Variants in CHSY1 observed in about 807,000 individuals in gnomAD.
CHSY1 encodes N-acetylgalactosaminyl-proteoglycan 3-beta-glucuronosyltransferase 1.
In CHSY1, 13 loss-of-function variants were observed where a neutral mutation model predicts 59.8. The ratio of observed to expected loss-of-function variants is 0.22; its 90% confidence interval spans 0.14 to 0.35. CHSY1 has a LOEUF of 0.35. Among genes scored for constraint, CHSY1 ranks in the 10% least tolerant of loss-of-function variants. The pLI, the probability that CHSY1 is intolerant of heterozygous loss-of-function variation, is 1.00. For synonymous variants in CHSY1, 459 were observed against 401.2 expected (o/e 1.14, Z -1.72); for missense variants, 947 against 1,030.6 (o/e 0.92, Z 1.11).
intron 2 of CHSY1, among the ~76,000 whole-genome samples, chr15:101,226,962 G>A (rs12441054): frequency 0.045 from 6,883 of 152,248 alleles, 378 homozygotes; most frequent in East Asian, 0.19. Context: ...CAGTGAAAAT[G>A]GCAGAGTGAA....
chr15:101,213,733 T>C (rs1402994537), intron 2 of CHSY1, among the ~76,000 whole-genome samples: 1 of 152,200 alleles, frequency 6.6e-6, no homozygotes, highest in East Asian at 1.9e-4. Flanking sequence ...AAATATGTCT[T>C]TGTGATTAAT....
At chr15:101,190,918 G>A (rs968498617) in intron 2 of CHSY1, among the ~76,000 whole-genome samples, 11 of 152,054 alleles carry the variant, frequency 7.2e-5, no homozygotes, top group African/African-American at 2.2e-4. Flanking sequence ...GAGGAGCGAC[G>A]CGAAATGCTG....
intron 2 of CHSY1, among the ~76,000 whole-genome samples, chr15:101,222,099 A>T (rs936016754): frequency 6.6e-6 from 1 of 152,198 alleles, no homozygotes; most frequent in African/African-American, 2.4e-5. Context: ...TCAACTGATA[A>T]GCTCTTTGTA....
intron 2 of CHSY1, among the ~76,000 whole-genome samples, chr15:101,215,564 GT>G (rs1567098745): frequency 6.6e-6 from 1 of 152,144 alleles, no homozygotes. Flanking sequence ...GCAAAACCCC[GT>G]CTCTACTGAA....
chr15:101,251,504 CCTCA>C lies in CHSY1; in HGVS notation c.-52_-49del, dbSNP rs1398137743. On this transcript the variant is annotated 5_prime_UTR_variant, in exon 1 of 3. Transcript: ENST00000254190. Reference sequence around the variant, plus strand: ...GGCCGCCGCCGCAGGCTCCGCGCGCCCTCAGCCCGCTGCCCCCGCCCGCGGAGGC... The same window carrying C: ...GGCCGCCGCCGCAGGCTCCGCGCGCCGCCCGCTGCCCCCGCCCGCGGAGGC... 994 of 55,002 alleles carry C rather than the reference CCTCA, an allele frequency of 0.018. 267 individuals carry two copies. The highest frequency in any genetic ancestry group is 0.022 in the Non-Finnish European group (907 of 40,486). 3.4% of individuals were successfully genotyped at this position (55,002 alleles called of 1,614,324 possible).
At chr15:101,244,567 C>A (rs190072641) in intron 1 of CHSY1, among the ~76,000 whole-genome samples, 1 of 152,064 alleles carries the variant, frequency 6.6e-6, no homozygotes, top group African/African-American at 2.4e-5. Flanking sequence ...TGTAGAAAAA[C>A]CAGAATATAT....
Position 101,177,366 on chromosome 15 carries a change from T to C in CHSY1, c.*22A>G. The C allele has an allele frequency of 6.3e-7, 1 of 1,593,800 alleles. No homozygotes were observed. Among genetic ancestry groups the C allele is most frequent in the South Asian group, 1.2e-5 (1 of 86,286 alleles). ...AAAATAAATTAGATAATTAAAAACG[T>C]CTTTTCCAGCAAAGCTGGACATTAG... On this transcript the variant is annotated 3_prime_UTR_variant, in exon 3 of 3. Coordinates refer to ENST00000254190, the MANE Select transcript of CHSY1 (RefSeq NM_014918.5).
chr15:101,192,125 A>G (rs1375749072), intron 2 of CHSY1, among the ~76,000 whole-genome samples: 1 of 152,230 alleles, frequency 6.6e-6, no homozygotes, highest in Non-Finnish European at 1.5e-5. Flanking sequence ...CTCTCTCTCA[A>G]CACACTCATT....
intron 2 of CHSY1, among the ~76,000 whole-genome samples, chr15:101,205,386 A>C (rs2038614624): frequency 6.6e-6 from 1 of 152,200 alleles, no homozygotes; most frequent in Non-Finnish European, 1.5e-5. Flanking sequence ...TGTTTAAGAA[A>C]AAGCCTGGTC....
chr15:101,176,498 T>C lies in CHSY1; in HGVS notation c.*890A>G, dbSNP rs947764528. 2.3e-5 allele frequency: 9 copies of C among 398,112 alleles called. No homozygotes were observed. Among genetic ancestry groups the C allele is most frequent in the African/African-American group, 1.9e-4 (9 of 48,626 alleles). The allele number at this position is 398,112 out of a possible 1,614,324, so 24.7% of individuals were successfully genotyped here. A position where few individuals can be genotyped will look rare whatever the true frequency, so the allele number is the denominator to read the frequency against. On this transcript the variant is annotated 3_prime_UTR_variant, in exon 3 of 3. Transcript: ENST00000254190. Reference sequence around the variant, plus strand: ...AGAAAATGCCAAATCCTTCTTGAAATTTAATGCCAGGTCTATTTAGGCCGA... The same window carrying C: ...AGAAAATGCCAAATCCTTCTTGAAACTTAATGCCAGGTCTATTTAGGCCGA...
At chr15:101,218,026 T>C (rs1567099700) in intron 2 of CHSY1, among the ~76,000 whole-genome samples, 1 of 152,224 alleles carries the variant, frequency 6.6e-6, no homozygotes, top group African/African-American at 2.4e-5. Flanking sequence ...GGAAATGGCA[T>C]TTTATCTCTA....
In CHSY1 at chr15:101,178,364, C is replaced by G; in HGVS notation, c.1433G>C (p.Ser478Thr). The change falls in exon 3 of 3, where the codon AGC becomes ACC. Residue 478 changes from serine (S) to threonine (T), a missense_variant. This residue lies in a region of CHSY1 where 602 missense variants were observed against 676.9 expected (regional missense o/e 0.89). Transcript: ENST00000254190. ...CTCATGCTCCACAAACTGGATTTTG[C>G]TGAAAGTCTGCTGTAAATACGCGTG... ...RRHAYLQQTFSKIQFVEHEEL... is the reference protein window; with the variant it reads ...RRHAYLQQTFTKIQFVEHEEL... 1 of 1,608,016 alleles carries G rather than the reference C, an allele frequency of 6.2e-7. No homozygotes were observed. The highest frequency in any genetic ancestry group is 8.5e-7 in the Non-Finnish European group (1 of 1,175,130).
At chr15:101,246,542 G>T (rs9672951) in intron 1 of CHSY1, among the ~76,000 whole-genome samples, 45,648 of 151,972 alleles carry the variant, frequency 0.3, 9,114 homozygotes, top group African/African-American at 0.58. Context: ...ACTGGCACAA[G>T]AACAGACAGA....
intron 2 of CHSY1, among the ~76,000 whole-genome samples, chr15:101,218,570 G>A (rs149860974): frequency 5.9e-5 from 9 of 152,254 alleles, no homozygotes; most frequent in East Asian, 5.8e-4. Context: ...AGCTGAGATC[G>A]CGCCACTGCA....
Position 101,251,318 on chromosome 15 carries a change from C to T in CHSY1, c.139G>A (p.Gly47Ser). Residue 47 changes from glycine to serine, a missense_variant, in exon 1 of 3, where the codon GGC becomes AGC. Gly to Ser is a moderately conservative substitution (Grantham distance 56, BLOSUM62 0). Around this residue, in one of 4 missense-constraint regions of CHSY1, gnomAD observed 232 missense variants for 188.5 expected, o/e 1.23. Transcript: ENST00000254190. ...AGPRRRASPE[G>S]CRSGQAAASQ... is the part of the protein sequence containing the mutation. Reference sequence around the variant, plus strand: ...GCCGCCGCCTGCCCGGACCGGCAGCCCTCGGGGCTGGCGCGGCGCCGTGGG... The same window carrying T: ...GCCGCCGCCTGCCCGGACCGGCAGCTCTCGGGGCTGGCGCGGCGCCGTGGG... The T allele has an allele frequency of 8.8e-7, 1 of 1,134,386 alleles. No homozygotes were observed. Among genetic ancestry groups the T allele is most frequent in the Non-Finnish European group, 1.1e-6 (1 of 922,784 alleles). The allele number at this position is 1,134,386 out of a possible 1,614,324, so 70.3% of individuals were successfully genotyped here.
chr15:101,181,249 T>A (rs1486606999), intron 2 of CHSY1, among the ~76,000 whole-genome samples: 1 of 152,226 alleles, frequency 6.6e-6, no homozygotes, highest in Admixed American at 6.5e-5. Flanking sequence ...GCCCACAATG[T>A]GCCTAACTGA....
intron 2 of CHSY1, among the ~76,000 whole-genome samples, chr15:101,214,524 T>C (rs1454477623): frequency 6.6e-6 from 1 of 152,246 alleles, no homozygotes; most frequent in Non-Finnish European, 1.5e-5. Flanking sequence ...GATGCTTACA[T>C]ACTTTGGTAT....
At chr15:101,232,607 C>T (rs996048344) in intron 2 of CHSY1, among the ~76,000 whole-genome samples, 5 of 152,018 alleles carry the variant, frequency 3.3e-5, no homozygotes, top group South Asian at 2.1e-4. Flanking sequence ...AAGCACAAAC[C>T]GTAATGGAAA....
chr15:101,214,314 A>ACTTACCAG (rs2038710794), intron 2 of CHSY1, among the ~76,000 whole-genome samples: 1 of 152,068 alleles, frequency 6.6e-6, no homozygotes, highest in Non-Finnish European at 1.5e-5. Flanking sequence ...CTGAACACCT[A>ACTTACCAG]CTTACCAGGG....
Sources: allele counts gnomAD v4.1 joint callset (sites outside exome capture counted in the v4.1 genomes callset), GRCh38; gene constraint gnomAD v4.1.1; regional missense constraint gnomAD v4.1.1; transcripts MANE v1.5; gene names NCBI Gene and HGNC (gene_info 2026-07-23, HGNC 2026-07-21).